RGS6: variants seen among roughly 807,000 people sequenced by gnomAD.
RGS6 encodes regulator of G-protein signaling 6.
In RGS6, 30 loss-of-function variants were observed where a neutral mutation model predicts 78.5. The ratio of observed to expected loss-of-function variants is 0.38; its 90% CI spans 0.29 to 0.52. The LOEUF (loss-of-function observed/expected upper bound fraction) is 0.52. Ranked by LOEUF, RGS6 falls within the 20% of genes least tolerant of loss-of-function variation. RGS6 has a pLI of 0.85. For synonymous variants in RGS6, 206 were observed against 206.0 expected, an observed-to-expected ratio of 1.00 and a Z score of 0.00; for missense variants, 495 against 609.7, an observed-to-expected ratio of 0.81 and a Z score of 1.98.
the RGS6 span, among the ~76,000 whole-genome samples, chr14:72,579,934 G>A: frequency 2.6e-5 from 4 of 152,182 alleles, no homozygotes; most frequent in Non-Finnish European, 5.9e-5. Context: ...ATAGAGATTG[G>A]GTGAGATCTG....
rs1255835348 is a variant in RGS6, at chr14:72,394,103, AC to A, written c.184+41913del. Among the ~76,000 whole-genome samples, 104 of 152,244 alleles carry A rather than the reference AC, an allele frequency of 6.8e-4. 1 individual carries two copies. The highest frequency in any genetic ancestry group is 1.9e-4 in the Non-Finnish European group (13 of 68,018). ...GAGCTATCATTTATCAGGGGAACCC[AC>A]CCCTGATAATTCAACATGAGTCCTT... On this transcript the variant is annotated intron_variant, in intron 3 of 17. Coordinates refer to ENST00000553525, the MANE Select transcript of RGS6 (RefSeq NM_001204424.2).
chr14:72,113,223 A>G (rs2095812520), intron 2 of RGS6, among the ~76,000 whole-genome samples: 1 of 152,224 alleles, frequency 6.6e-6, no homozygotes, highest in Non-Finnish European at 1.5e-5. Flanking sequence ...ATATTAGTGT[A>G]CCTTGTACGT....
chr14:72,413,641 G>T (rs1463806499), intron 3 of RGS6, among the ~76,000 whole-genome samples: 1 of 152,198 alleles, frequency 6.6e-6, no homozygotes, highest in Non-Finnish European at 1.5e-5. Flanking sequence ...CTCATTGGTT[G>T]ATGCAGTTTC....
At chr14:72,049,779 C>T (rs887048888) in intron 2 of RGS6, among the ~76,000 whole-genome samples, 2 of 152,188 alleles carry the variant, frequency 1.3e-5, no homozygotes, top group Admixed American at 6.5e-5. Context: ...CTTCTGTTGA[C>T]TCATCCCTGC....
intron 2 of RGS6, among the ~76,000 whole-genome samples, chr14:72,042,660 G>A (rs2092524899): frequency 6.6e-6 from 1 of 150,822 alleles, no homozygotes; most frequent in South Asian, 2.1e-4. Flanking sequence ...TTTTTTTCAT[G>A]TTAAACATTC....
chr14:72,085,876 A>AG (rs2095018772), intron 2 of RGS6, among the ~76,000 whole-genome samples: 1 of 145,014 alleles, frequency 6.9e-6, no homozygotes, highest in Non-Finnish European at 1.5e-5. Context: ...AAAAAAAAAA[A>AG]GCCATCAGAG....
chr14:72,455,825 A>G (rs1484190682), intron 4 of RGS6, among the ~76,000 whole-genome samples: 2 of 152,244 alleles, frequency 1.3e-5, no homozygotes, highest in African/African-American at 2.4e-5. Context: ...AGTTACATTT[A>G]TCTAAAGTCA....
the RGS6 span, among the ~76,000 whole-genome samples, chr14:72,610,226 G>A: frequency 3.3e-5 from 5 of 152,250 alleles, no homozygotes; most frequent in Non-Finnish European, 5.9e-5. Context: ...GGAGATCTCA[G>A]TGTGTTTCCA....
intron 2 of RGS6, among the ~76,000 whole-genome samples, chr14:72,024,818 A>G (rs942866771): frequency 6.6e-6 from 1 of 152,160 alleles, no homozygotes; most frequent in African/African-American, 2.4e-5. Flanking sequence ...AGTGAGTTTA[A>G]TGTATCTGCA....
intron 2 of RGS6, among the ~76,000 whole-genome samples, chr14:72,339,529 C>T (rs1270351301): frequency 1.3e-5 from 2 of 152,116 alleles, no homozygotes; most frequent in Non-Finnish European, 2.9e-5. Flanking sequence ...AGTGGAGAGA[C>T]CAGCCAATTT....
chr14:72,353,107 T>C (rs1417739757), intron 3 of RGS6, among the ~76,000 whole-genome samples: 1 of 152,106 alleles, frequency 6.6e-6, no homozygotes, highest in African/African-American at 2.4e-5. Flanking sequence ...GAATGGAAAA[T>C]TGTGCAGCTA....
the RGS6 span, chr14:72,629,829 C>T: frequency 9.6e-7 from 1 of 1,040,292 alleles, no homozygotes; most frequent in Non-Finnish European, 1.4e-6. Context: ...GCCCAGTGTG[C>T]AGGCAGGGCA....
intron 2 of RGS6, among the ~76,000 whole-genome samples, chr14:72,058,551 GAGAA>G (rs914751782): frequency 1.3e-5 from 2 of 151,340 alleles, no homozygotes; most frequent in Admixed American, 1.3e-4. Context: ...CATAAAACCT[GAGAA>G]AGAAAAACAT....
intron 2 of RGS6, among the ~76,000 whole-genome samples, chr14:72,136,059 C>A (rs1323756793): frequency 6.6e-6 from 1 of 152,138 alleles, no homozygotes; most frequent in Non-Finnish European, 1.5e-5. Context: ...TTATCATTTT[C>A]CTTGACGAAA....
At chr14:72,218,858 C>T (rs1056224235) in intron 2 of RGS6, among the ~76,000 whole-genome samples, 19 of 152,182 alleles carry the variant, frequency 1.2e-4, no homozygotes, top group Admixed American at 1.1e-3. Flanking sequence ...GATCCACCCA[C>T]CTTGGCCTTC....
At chr14:71,942,675 G>T (rs2090807760) in intron 1 of RGS6, among the ~76,000 whole-genome samples, 1 of 152,130 alleles carries the variant, frequency 6.6e-6, no homozygotes, top group Admixed American at 6.5e-5. Context: ...TTGATAGCTG[G>T]GAGATTCTAG....
intron 2 of RGS6, among the ~76,000 whole-genome samples, chr14:72,085,981 A>T (rs568382589): frequency 6.6e-6 from 1 of 151,610 alleles, no homozygotes; most frequent in African/African-American, 2.4e-5. Flanking sequence ...CCTTCCCTGG[A>T]CTTCCTCCTA....
intron 2 of RGS6, among the ~76,000 whole-genome samples, chr14:72,159,106 A>C (rs1343950121): frequency 6.6e-6 from 1 of 152,248 alleles, no homozygotes; most frequent in African/African-American, 2.4e-5. Context: ...CTATTTAACA[A>C]ACTACGAAGC....
At chr14:71,984,201 G>C (rs1372091020) in intron 2 of RGS6, among the ~76,000 whole-genome samples, 1 of 151,082 alleles carries the variant, frequency 6.6e-6, no homozygotes, top group Non-Finnish European at 1.5e-5. Flanking sequence ...AGGGTCAGAA[G>C]GAGTAAATAA....
Sources: gnomAD v4.1 joint callset for allele counts (sites outside exome capture counted in the v4.1 genomes callset) on GRCh38, gnomAD v4.1.1 for gene constraint, MANE v1.5 for transcripts, NCBI Gene and HGNC (gene_info 2026-07-23, HGNC 2026-07-21) for gene names.